The following PKP4 variants were observed in gnomAD, a reference collection of about 807,000 sequenced individuals.
PKP4 encodes plakophilin 4, also known as plakophilin-4.
PKP4 carries 90 observed loss-of-function variants against 145.1 expected under a neutral mutation model. That is an observed-to-expected ratio of 0.62 (90% CI 0.52 to 0.74). The LOEUF (loss-of-function observed/expected upper bound fraction) is 0.74. Ranked by LOEUF, PKP4 falls within the 30% of genes least tolerant of loss-of-function variation. The pLI is 0.00. For missense variants in PKP4, 1,340 were observed against 1,482.7 expected (o/e 0.90, Z 1.58); for synonymous variants, 563 against 577.2 (o/e 0.98, Z 0.35).
At chr2:158,497,454 G>T (rs1159637697) in intron 1 of PKP4, among the ~76,000 whole-genome samples, 3 of 152,064 alleles carry the variant, frequency 2.0e-5, no homozygotes, top group South Asian at 2.1e-4. Context: ...ATCACACAGA[G>T]AAAATAGATA....
rs181719205 is a variant in PKP4 at position 158,661,571 on chromosome 2, C to T, written c.2211+121C>T. On this transcript the variant is annotated intron_variant, in intron 13 of 21. Transcript: ENST00000389759. Reference sequence around the variant, plus strand: ...ATCCTGTCCTCCTCAGGAGGCCACTCTCCAGATCAAAGGGCAAGTCTCCAA... The same window carrying T: ...ATCCTGTCCTCCTCAGGAGGCCACTTTCCAGATCAAAGGGCAAGTCTCCAA... 1.7e-3 allele frequency: 1,105 copies of T among 669,294 alleles called. 2 individuals carry two copies. The highest frequency in any genetic ancestry group is 2.5e-3 in the Non-Finnish European group (920 of 371,096). 41.5% of individuals were successfully genotyped at this position (669,294 alleles called of 1,614,324 possible).
intron 12 of PKP4, chr2:158,661,018 C>G: frequency 5.6e-6 from 1 of 179,464 alleles, no homozygotes; most frequent in Non-Finnish European, 1.2e-5. Context: ...GAGGTAGTTA[C>G]TGTTATTTTC....
At chr2:158,516,042 CTT>C (rs10719242) in intron 1 of PKP4, among the ~76,000 whole-genome samples, 28,908 of 141,096 alleles carry the variant, frequency 0.2, 3,520 homozygotes, top group Middle Eastern at 0.33. Context: ...GAGAATCCAT[CTT>C]TTTTTTTTTT....
chr2:158,571,846 G>A (rs1356529900), intron 2 of PKP4, among the ~76,000 whole-genome samples: 1 of 152,120 alleles, frequency 6.6e-6, no homozygotes, highest in African/African-American at 2.4e-5. Context: ...GCCTTGAACT[G>A]GAGTGGAGCT....
chr2:158,644,567 A>G (rs1042525091), intron 11 of PKP4, among the ~76,000 whole-genome samples: 7 of 52,946 alleles, frequency 1.3e-4, no homozygotes, highest in Admixed American at 1.3e-3. Flanking sequence ...TAAAATAAGC[A>G]CAGTAGAATA....
chr2:158,463,772 T>C (rs184956418), intron 1 of PKP4, among the ~76,000 whole-genome samples: 3 of 152,324 alleles, frequency 2.0e-5, no homozygotes, highest in Admixed American at 6.5e-5. Context: ...CAATTTACCC[T>C]CTGGGATAAG....
intron 1 of PKP4, among the ~76,000 whole-genome samples, chr2:158,514,907 C>G (rs911932839): frequency 2.0e-5 from 3 of 152,076 alleles, no homozygotes; most frequent in Non-Finnish European, 4.4e-5. Flanking sequence ...TGCCATTGCA[C>G]TCCAGCCTGG....
chr2:158,491,038 T>A (rs1264609899), intron 1 of PKP4, among the ~76,000 whole-genome samples: 5 of 152,212 alleles, frequency 3.3e-5, no homozygotes, highest in African/African-American at 1.2e-4. Context: ...GTTATTCTCA[T>A]TCAGTTAATA....
intron 3 of PKP4, among the ~76,000 whole-genome samples, chr2:158,601,295 C>T (rs989101855): frequency 3.3e-5 from 5 of 151,932 alleles, no homozygotes; most frequent in African/African-American, 9.7e-5. Context: ...TTAATATTCC[C>T]GAGAAACTTG....
chr2:158,523,353 A>AT (rs1316140715), intron 1 of PKP4, among the ~76,000 whole-genome samples: 3 of 64,208 alleles, frequency 4.7e-5, no homozygotes. Flanking sequence ...ACCGGGAGGC[A>AT]CCCCCCCAGC....
chr2:158,522,671 C>A (rs897248711), intron 1 of PKP4, among the ~76,000 whole-genome samples: 5 of 152,208 alleles, frequency 3.3e-5, no homozygotes, highest in Admixed American at 6.5e-5. Flanking sequence ...CAGCTCCCAG[C>A]GTGAGCGACG....
At chr2:158,460,858 G>C (rs970516099) in intron 1 of PKP4, among the ~76,000 whole-genome samples, 1 of 152,186 alleles carries the variant, frequency 6.6e-6, no homozygotes, top group South Asian at 2.1e-4. Flanking sequence ...TGCACTGAAG[G>C]GGGAAGAAGA....
intron 7 of PKP4, among the ~76,000 whole-genome samples, chr2:158,627,039 A>T (rs1343816540): frequency 6.6e-6 from 1 of 152,100 alleles, no homozygotes; most frequent in Non-Finnish European, 1.5e-5. Flanking sequence ...TTTGTGATTG[A>T]ATAATTTTGC....
intron 2 of PKP4, among the ~76,000 whole-genome samples, chr2:158,545,931 A>G (rs1176332826): frequency 3.3e-5 from 5 of 152,172 alleles, no homozygotes; most frequent in Admixed American, 1.3e-4. Context: ...TTGGAAGCAT[A>G]TTTTTGGTTG....
chr2:158,594,254 C>T (rs1341034985), intron 3 of PKP4, among the ~76,000 whole-genome samples: 1 of 152,148 alleles, frequency 6.6e-6, no homozygotes, highest in African/African-American at 2.4e-5. Context: ...CTATAGCCTA[C>T]ATGAAGGGTG....
chr2:158,493,610 C>T (rs1172772499), intron 1 of PKP4, among the ~76,000 whole-genome samples: 3 of 152,164 alleles, frequency 2.0e-5, no homozygotes, highest in Non-Finnish European at 1.5e-5. Flanking sequence ...AGCCCTCTTC[C>T]AAAACTGAAG....
rs183447788 is a variant in PKP4, at chr2:158,484,573, G to A, written c.-6+27355G>A. On this transcript the variant is annotated intron_variant, in intron 1 of 21. Transcript: ENST00000389759. ...ACTCTGAACTTTTAATAACTAAAAT[G>A]CCTGGTTCCTGTTGAATATACACGT... Among the ~76,000 whole-genome samples the A allele has an allele frequency of 2.6e-5, 4 of 152,272 alleles. No individual in the cohort carries two copies. In the East Asian group the frequency reaches 5.8e-4, roughly 22 times the overall value.
At chr2:158,457,311 C>CGCCGGGG (rs888072317) in intron 1 of PKP4, 93 bp downstream of exon 1, 4 of 151,718 alleles carry the variant, frequency 2.6e-5, no homozygotes, top group East Asian at 2.0e-4. Context: ...AGGACCTGCG[C>CGCCGGGG]GCCGGGGGCC....
At position 158,500,251 on chromosome 2, in the gene PKP4, G is replaced by A. The variant is rs115520535; in HGVS notation, c.-5-32929G>A. Among the ~76,000 whole-genome samples the A allele has an allele frequency of 7.2e-3, 1,099 of 152,252 alleles. 13 individuals carry two copies. Among genetic ancestry groups the A allele is most frequent in the African/African-American group, 0.025 (1,047 of 41,536 alleles). ...CACCCACAGAACAGTAGCAAATGAG[G>A]GCCCCAGTGTTTCTGTAGAGAAAGC... is the stretch of plus-strand genomic sequence containing the variant. On this transcript the variant is annotated intron_variant, in intron 1 of 21. Coordinates refer to ENST00000389759, the MANE Select transcript of PKP4 (RefSeq NM_003628.6).
Sources: allele counts gnomAD v4.1 joint callset (sites outside exome capture counted in the v4.1 genomes callset), GRCh38; gene constraint gnomAD v4.1.1; transcripts MANE v1.5; gene names NCBI Gene and HGNC (gene_info 2026-07-23, HGNC 2026-07-21).